Variants in SORCS1 observed in about 807,000 individuals in gnomAD.
The protein encoded by SORCS1 is VPS10 domain-containing receptor SorCS1.
A neutral mutation model predicts 146.1 loss-of-function variants in SORCS1; 60 were observed. The observed-to-expected ratio is 0.41, with a 90% confidence interval of 0.33 to 0.51. SORCS1 has a LOEUF of 0.51. SORCS1 is among the 20% of genes least tolerant of loss of function. The pLI, the probability that SORCS1 is intolerant of heterozygous loss-of-function variation, is 0.21. For synonymous variants in SORCS1, 637 were observed against 584.0 expected, an observed-to-expected ratio of 1.09 and a Z score of -1.31; for missense variants, 1,352 against 1,487.6, an observed-to-expected ratio of 0.91 and a Z score of 1.50.
chr10:106,822,722 C>T (rs896335723), intron 3 of SORCS1, among the ~76,000 whole-genome samples: 13 of 149,962 alleles, frequency 8.7e-5, no homozygotes, highest in South Asian at 2.1e-4. Flanking sequence ...ACTTACTACA[C>T]GTCACTTTTA....
Position 106,825,606 on chromosome 10 carries a change from G to C in SORCS1, c.726+3968C>G, listed in dbSNP as rs978795815. 4.0e-5 allele frequency among the ~76,000 whole-genome samples: 6 copies of C among 151,652 alleles called. No homozygotes were observed. In the East Asian group the frequency reaches 9.7e-4, roughly 25 times the overall value. ...TTTTTTCTTTGCTACATTTGTATTA[G>C]TTCTTCCCATCACCTTCTGCATCCC... On this transcript the variant is annotated intron_variant, in intron 3 of 25. Transcript: ENST00000263054.
intron 6 of SORCS1, among the ~76,000 whole-genome samples, chr10:106,717,697 G>T: frequency 6.6e-6 from 1 of 152,228 alleles, no homozygotes; most frequent in East Asian, 1.9e-4. Flanking sequence ...CTATTAGGTT[G>T]GTGCAAAAAG....
At chr10:106,912,435 T>C (rs1398248821) in intron 2 of SORCS1, among the ~76,000 whole-genome samples, 1 of 152,134 alleles carries the variant, frequency 6.6e-6, no homozygotes. Flanking sequence ...TGATTCTCAC[T>C]CCCAACCTAA....
intron 3 of SORCS1, among the ~76,000 whole-genome samples, chr10:106,803,896 A>C (rs1277016366): frequency 6.6e-6 from 1 of 152,174 alleles, no homozygotes; most frequent in Non-Finnish European, 1.5e-5. Context: ...TCATATCAGA[A>C]TCTCTAAACA....
chr10:106,636,645 CT>C (rs1848741844), intron 18 of SORCS1, among the ~76,000 whole-genome samples: 1 of 152,272 alleles, frequency 6.6e-6, no homozygotes, highest in African/African-American at 2.4e-5. Context: ...GAAACCACCC[CT>C]ATGATCCAAT....
At chr10:106,790,142 T>C (rs1184618025) in intron 3 of SORCS1, among the ~76,000 whole-genome samples, 1 of 152,214 alleles carries the variant, frequency 6.6e-6, no homozygotes, top group African/African-American at 2.4e-5. Context: ...ATGGTGCTTC[T>C]CAATTCATAA....
chr10:106,636,363 T>C (rs1437062473), intron 18 of SORCS1, among the ~76,000 whole-genome samples: 1 of 152,228 alleles, frequency 6.6e-6, no homozygotes, highest in African/African-American at 2.4e-5. Context: ...GTTTACTGTG[T>C]CAGAAATAGC....
At chr10:106,750,456 C>T (rs1858065020) in intron 5 of SORCS1, among the ~76,000 whole-genome samples, 1 of 151,894 alleles carries the variant, frequency 6.6e-6, no homozygotes, top group Admixed American at 6.6e-5. Context: ...AGGGGCCGGG[C>T]GCAGTGGTTC....
intron 9 of SORCS1, among the ~76,000 whole-genome samples, chr10:106,697,649 A>C (rs1853808309): frequency 1.3e-5 from 2 of 152,264 alleles, no homozygotes; most frequent in South Asian, 4.1e-4. Context: ...ATTGGAAAAT[A>C]ATATTAAAGC....
At chr10:106,673,321 T>C (rs1480480470) in intron 14 of SORCS1, among the ~76,000 whole-genome samples, 4 of 151,976 alleles carry the variant, frequency 2.6e-5, no homozygotes, top group South Asian at 2.1e-4. Flanking sequence ...TTAGTAGAGA[T>C]GGGGTTCCAC....
At chr10:106,705,239 C>T (rs559069974) in intron 8 of SORCS1, among the ~76,000 whole-genome samples, 2 of 152,270 alleles carry the variant, frequency 1.3e-5, no homozygotes, top group East Asian at 3.9e-4. Context: ...ACGAACATAG[C>T]TATAGTTCTT....
chr10:106,998,769 A>T (rs186675521), intron 1 of SORCS1, among the ~76,000 whole-genome samples: 1 of 152,242 alleles, frequency 6.6e-6, no homozygotes, highest in South Asian at 2.1e-4. Context: ...ACTGGTGGTT[A>T]TATCTCCTCT....
In SORCS1 at chr10:107,015,307, T is replaced by C. The variant is rs188249038; in HGVS notation, c.559-58727A>G. Among the ~76,000 whole-genome samples, 252 of 152,218 alleles carry C rather than the reference T, an allele frequency of 1.7e-3. 2 individuals carry two copies. The highest frequency in any genetic ancestry group is 5.8e-3 in the African/African-American group (239 of 41,496). ...GGCCTTACTCAGTAAGTACATTGTA[T>C]GGTATGTCAGAAGGTGACTTGTGTT... On this transcript the variant is annotated intron_variant, in intron 1 of 25. Coordinates refer to ENST00000263054, the MANE Select transcript of SORCS1 (RefSeq NM_052918.5).
At chr10:107,123,811 C>T (rs1966539703) in intron 1 of SORCS1, among the ~76,000 whole-genome samples, 1 of 151,880 alleles carries the variant, frequency 6.6e-6, no homozygotes, top group Admixed American at 6.6e-5. Context: ...GGTGTGGTGG[C>T]TCACGCCTGT....
chr10:106,679,286 G>C lies in SORCS1; in HGVS notation c.1710C>G (p.Val570=). The C allele has an allele frequency of 6.2e-7, 1 of 1,613,358 alleles. No individual in the cohort carries two copies. The change falls in exon 12 of 26, where the codon GTC becomes GTG. Residue 570 remains valine, a synonymous_variant. Transcript: ENST00000263054. ...TCCAGGTGTTCCCTGCATCTGAAGA[G>C]ACAAACATGCTGATGTCAGTGTCTG... ...ELSDTDISMF[V]SSDAGNTWRQ...
intron 2 of SORCS1, among the ~76,000 whole-genome samples, chr10:106,835,757 G>C (rs1247065482): frequency 6.6e-6 from 1 of 152,110 alleles, no homozygotes; most frequent in Non-Finnish European, 1.5e-5. Flanking sequence ...TGTAATCCCA[G>C]AACTTTGGGA....
At chr10:106,989,670 G>GTGTTTTTTTGTTTTTTTTTTTTTT (rs1956666994) in intron 1 of SORCS1, among the ~76,000 whole-genome samples, 1 of 116,450 alleles carries the variant, frequency 8.6e-6, no homozygotes, top group African/African-American at 4.5e-5. Flanking sequence ...TATTTTTTCT[G>GTGTTTTTTTGTTTTTTTTTTTTTT]TTTTTTTTTG....
At chr10:106,976,068 C>A (rs1183658700) in intron 1 of SORCS1, among the ~76,000 whole-genome samples, 1 of 150,698 alleles carries the variant, frequency 6.6e-6, no homozygotes, top group East Asian at 2.0e-4. Context: ...ATTGCTTGAA[C>A]CCGGGAGGCA....
rs1854804165 is a variant in SORCS1, at chr10:106,709,481, C to T, written c.1025-140G>A. On this transcript the variant is annotated intron_variant, in intron 6 of 25. Coordinates refer to ENST00000263054, the MANE Select transcript of SORCS1 (RefSeq NM_052918.5). ...TTTTTTTTTTTGAGATGGAGTCTCGCTCTGTCGCCCAGGCTGGAGTGCAGT... is the reference window on the plus strand; with the variant it reads ...TTTTTTTTTTTGAGATGGAGTCTCGTTCTGTCGCCCAGGCTGGAGTGCAGT... 6 of 434,814 alleles carry T rather than the reference C, an allele frequency of 1.4e-5. No individual in the cohort carries two copies. In the Admixed American group the frequency reaches 2.4e-4, roughly 18 times the overall value. 26.9% of individuals were successfully genotyped at this position (434,814 alleles called of 1,614,324 possible).
Sources: allele counts gnomAD v4.1 joint callset (sites outside exome capture counted in the v4.1 genomes callset), GRCh38; gene constraint gnomAD v4.1.1; transcripts MANE v1.5; gene names NCBI Gene and HGNC (gene_info 2026-07-23, HGNC 2026-07-21).